The following KIAA1755 variants were observed in gnomAD, a reference collection of about 807,000 sequenced individuals.
KIAA1755 encodes the protein uncharacterized protein KIAA1755.
Under a neutral mutation model 91.7 loss-of-function variants are expected in KIAA1755, and 68 were observed. That is an observed-to-expected ratio of 0.74 (90% confidence interval 0.61 to 0.91). The LOEUF (loss-of-function observed/expected upper bound fraction) is 0.91, where lower values mean the gene tolerates loss of function less well. KIAA1755 is among the 40% of genes least tolerant of loss of function. The pLI, the probability that KIAA1755 is intolerant of heterozygous loss-of-function variation, is 0.00. For missense variants in KIAA1755, 1,535 were observed against 1,494.4 expected (o/e 1.03, Z -0.45); for synonymous variants, 610 against 604.6 (o/e 1.01, Z -0.13).
rs200257482 is a variant in KIAA1755 at position 38,234,155 on chromosome 20, GC to G, written c.1748-2831del. Among the ~76,000 whole-genome samples the G allele has an allele frequency of 5.5e-3, 841 of 152,252 alleles. 14 individuals are homozygous for G. Among genetic ancestry groups the G allele is most frequent in the African/African-American group, 0.02 (812 of 41,540 alleles). On this transcript the variant is annotated intron_variant, in intron 4 of 13. Coordinates refer to ENST00000279024, the MANE Select transcript of KIAA1755 (RefSeq NM_001029864.2). Reference sequence around the variant, plus strand: ...TGTTGCTTAAGCCACCCACGTTATGGCAGTCCTGGGACACTAATATACTAAG... The same window carrying G: ...TGTTGCTTAAGCCACCCACGTTATGGAGTCCTGGGACACTAATATACTAAG...
chr20:38,230,222 T>G (rs919602615), intron 5 of KIAA1755, among the ~76,000 whole-genome samples: 17 of 152,328 alleles, frequency 1.1e-4, no homozygotes, highest in Middle Eastern at 3.4e-3. Flanking sequence ...CTGAGTCCAC[T>G]CATCATTCAT....
At chr20:38,251,105 C>A (rs1206071572) in intron 1 of KIAA1755, among the ~76,000 whole-genome samples, 1 of 151,546 alleles carries the variant, frequency 6.6e-6, no homozygotes, top group Non-Finnish European at 1.5e-5. Context: ...GTTTGTATTT[C>A]TGTGAAAATA....
chr20:38,242,047 G>GGA, intron 2 of KIAA1755, 118 bp from the exon 3 acceptor site: 6 of 982,934 alleles, frequency 6.1e-6, no homozygotes, highest in Non-Finnish European at 7.5e-6. Flanking sequence ...GGATGAGGCA[G>GGA]CATTTAGGAG....
At position 38,225,757 on chromosome 20, in the gene KIAA1755, C is replaced by A; in HGVS notation, c.2077G>T (p.Ala693Ser). The part of the protein sequence containing the change: ...VQVEVLTSLK[A>S]LSHHVDPSQL... ...CTGGGGTCCACATGGTGGCTGAGGG[C>A]CTTCAATGAGGTCAGCACCTCCACC... The change falls in exon 8 of 14, where the codon GCC becomes TCC. Residue 693 changes from alanine (A) to serine (S), a missense_variant. Ala to Ser is a moderately conservative substitution (Grantham distance 99). Transcript: ENST00000279024. The A allele has an allele frequency of 6.3e-7, 1 of 1,591,018 alleles. No individual in the cohort carries two copies. Among genetic ancestry groups the A allele is most frequent in the Non-Finnish European group, 8.5e-7 (1 of 1,170,146 alleles).
chr20:38,232,238 C>T (rs753251546), intron 4 of KIAA1755, among the ~76,000 whole-genome samples: 7 of 152,336 alleles, frequency 4.6e-5, no homozygotes, highest in Middle Eastern at 3.4e-3. Flanking sequence ...TTGGACAAAC[C>T]TAACCACCTT....
intron 13 of KIAA1755, among the ~76,000 whole-genome samples, chr20:38,216,680 C>T (rs1181257591): frequency 2.0e-5 from 3 of 152,196 alleles, no homozygotes; most frequent in Non-Finnish European, 4.4e-5. Context: ...CATCCTTCAC[C>T]ACTGCCCTCT....
chr20:38,260,345 G>C (rs2076426180), intron 1 of KIAA1755, 153 bp downstream of exon 1: 2 of 1,572,360 alleles, frequency 1.3e-6, no homozygotes, highest in Non-Finnish European at 1.7e-6. Context: ...ACCCCTGCTG[G>C]GGTGGAAGCA....
chr20:38,232,160 G>A (rs910233273), intron 4 of KIAA1755, among the ~76,000 whole-genome samples: 3 of 152,258 alleles, frequency 2.0e-5, no homozygotes, highest in East Asian at 3.9e-4. Context: ...GCCCTGCAAT[G>A]ACCACCAGCC....
At chr20:38,221,438 C>T (rs972772695) in intron 10 of KIAA1755, among the ~76,000 whole-genome samples, 4 of 152,118 alleles carry the variant, frequency 2.6e-5, no homozygotes, top group South Asian at 2.1e-4. Context: ...GCTGCCCGTG[C>T]GTCCATCTGT....
intron 1 of KIAA1755, among the ~76,000 whole-genome samples, chr20:38,255,839 G>C (rs546601026): frequency 6.6e-6 from 1 of 151,946 alleles, no homozygotes; most frequent in South Asian, 2.1e-4. Context: ...GCATGACCTC[G>C]ACCCCCTGCC....
intron 8 of KIAA1755, among the ~76,000 whole-genome samples, chr20:38,225,055 G>A (rs1400039051): frequency 6.6e-6 from 1 of 152,158 alleles, no homozygotes; most frequent in African/African-American, 2.4e-5. Context: ...GTGCAGTGGT[G>A]TGATCTTGGC....
At chr20:38,224,387 T>C in intron 8 of KIAA1755, among the ~76,000 whole-genome samples, 1 of 152,218 alleles carries the variant, frequency 6.6e-6, no homozygotes, top group East Asian at 1.9e-4. Context: ...AGGAGATTGT[T>C]CAGTAGGTAT....
chr20:38,244,986 A>G (rs1417509761), intron 2 of KIAA1755, among the ~76,000 whole-genome samples: 2 of 152,044 alleles, frequency 1.3e-5, no homozygotes, highest in Non-Finnish European at 2.9e-5. Flanking sequence ...TTGGCCTCCC[A>G]AAGTACTGGG....
At chr20:38,219,852 C>T (rs953116115) in intron 10 of KIAA1755, 84 bp from the exon 11 acceptor site, 27 of 1,530,662 alleles carry the variant, frequency 1.8e-5, no homozygotes, top group Non-Finnish European at 2.2e-5. Context: ...CCTGCCCCTC[C>T]ATCTCTGTGG....
intron 9 of KIAA1755, chr20:38,223,034 C>A (rs916664972): frequency 3.7e-6 from 1 of 272,312 alleles, no homozygotes; most frequent in African/African-American, 2.3e-5. Flanking sequence ...ATGCTTCTTT[C>A]CCACTCATTC....
chr20:38,242,021 A>G, intron 2 of KIAA1755, 92 bp from the exon 3 acceptor site: 1 of 1,336,034 alleles, frequency 7.5e-7, no homozygotes, highest in Admixed American at 2.0e-5. Context: ...TGGAATCTGG[A>G]ACAGGTCAGG....
At chr20:38,260,362 C>T in intron 1 of KIAA1755, 136 bp downstream of exon 1, 1 of 1,588,620 alleles carries the variant, frequency 6.3e-7, no homozygotes, top group South Asian at 1.1e-5. Context: ...AGCAGGTAAG[C>T]ACAACCCTGC....
At chr20:38,226,395 G>T (rs1244705800) in intron 7 of KIAA1755, among the ~76,000 whole-genome samples, 2 of 152,236 alleles carry the variant, frequency 1.3e-5, no homozygotes, top group East Asian at 3.9e-4. Context: ...TGGTCCATGG[G>T]CCAGCATCGC....
chr20:38,224,220 T>C (rs1010175552), intron 8 of KIAA1755, among the ~76,000 whole-genome samples: 2 of 152,154 alleles, frequency 1.3e-5, no homozygotes, highest in Non-Finnish European at 2.9e-5. Flanking sequence ...GCCCAGCCCA[T>C]ACTGTGTTTA....
Sources: allele counts gnomAD v4.1 joint callset (sites outside exome capture counted in the v4.1 genomes callset), GRCh38; gene constraint gnomAD v4.1.1; transcripts MANE v1.5; gene names NCBI Gene and HGNC (gene_info 2026-07-23, HGNC 2026-07-21).